IL1RAPL2: variants seen among roughly 807,000 people sequenced by gnomAD.
IL1RAPL2 encodes the protein interleukin 1 receptor accessory protein like 2.
A neutral mutation model predicts 44.1 loss-of-function variants in IL1RAPL2; 3 were observed. That is an observed-to-expected ratio of 0.07 (90% CI 0.03 to 0.18). The LOEUF is 0.18. Among genes scored for constraint, IL1RAPL2 ranks in the 10% least tolerant of loss-of-function variants. IL1RAPL2 has a pLI of 1.00. For synonymous variants in IL1RAPL2, 181 were observed against 178.8 expected (o/e 1.01, Z -0.10); for missense variants, 391 against 496.4 (o/e 0.79, Z 2.02).
chrX:104,936,429 G>A (rs1004268883), intron 2 of IL1RAPL2, among the ~76,000 whole-genome samples: 1 of 110,659 alleles, frequency 9.0e-6, no homozygotes, highest in African/African-American at 3.3e-5. Context: ...TATGGGTTAA[G>A]GTCAAAAATG....
At chrX:104,809,900 C>G (rs1302415886) in intron 2 of IL1RAPL2, among the ~76,000 whole-genome samples, 1 of 111,016 alleles carries the variant, frequency 9.0e-6, no homozygotes, top group Non-Finnish European at 1.9e-5. Flanking sequence ...TTGACCCAGC[C>G]ATCCCATTAC....
intron 5 of IL1RAPL2, among the ~76,000 whole-genome samples, chrX:105,320,288 A>G (rs1458052056): frequency 8.9e-6 from 1 of 111,825 alleles, no homozygotes; most frequent in Non-Finnish European, 1.9e-5. Context: ...CAAAGTAACT[A>G]CATTTCTTAA....
intron 2 of IL1RAPL2, among the ~76,000 whole-genome samples, chrX:104,799,827 G>T (rs1466171485): frequency 1.8e-5 from 2 of 111,089 alleles, no homozygotes; most frequent in Non-Finnish European, 3.8e-5. Flanking sequence ...TCAGGGCAAG[G>T]ATGTTAAAAA....
chrX:105,044,933 T>G (rs748076239), intron 2 of IL1RAPL2, among the ~76,000 whole-genome samples: 1 of 111,457 alleles, frequency 9.0e-6, no homozygotes, highest in Non-Finnish European at 1.9e-5. Context: ...CATACTCAGT[T>G]TCCAGAAACA....
intron 5 of IL1RAPL2, among the ~76,000 whole-genome samples, chrX:105,466,385 T>A (rs186199194): frequency 9.0e-6 from 1 of 111,698 alleles, no homozygotes; most frequent in Admixed American, 9.5e-5. Flanking sequence ...CTTCTGTAGC[T>A]AATAATTCTT....
At chrX:105,102,794 G>T (rs1360927738) in intron 2 of IL1RAPL2, among the ~76,000 whole-genome samples, 1 of 111,902 alleles carries the variant, frequency 8.9e-6, no homozygotes, top group East Asian at 2.8e-4. Flanking sequence ...AGCTGACAGT[G>T]ATATGAACCT....
At chrX:105,522,634 T>C (rs931600333) in intron 6 of IL1RAPL2, among the ~76,000 whole-genome samples, 1 of 112,351 alleles carries the variant, frequency 8.9e-6, no homozygotes, top group Non-Finnish European at 1.9e-5. Context: ...TGGGGAGCTT[T>C]AAAAGGTATT....
intron 6 of IL1RAPL2, among the ~76,000 whole-genome samples, chrX:105,540,931 T>C (rs190509105): frequency 0.035 from 1,290 of 36,441 alleles, 33 homozygotes; most frequent in East Asian, 0.17. Flanking sequence ...ATATATAATA[T>C]ATACATATAT....
At chrX:105,057,261 A>G (rs1170354386) in intron 2 of IL1RAPL2, among the ~76,000 whole-genome samples, 3 of 112,130 alleles carry the variant, frequency 2.7e-5, no homozygotes, top group African/African-American at 9.7e-5. Flanking sequence ...AAGTTAGTTA[A>G]TTAATTGGAG....
intron 5 of IL1RAPL2, among the ~76,000 whole-genome samples, chrX:105,390,765 C>T (rs1272943514): frequency 2.7e-5 from 3 of 110,800 alleles, no homozygotes; most frequent in Admixed American, 9.7e-5. Flanking sequence ...AATATCCTCA[C>T]AGAGTTCAAG....
At chrX:105,766,939 CTT>C (rs2038735873) in intron 10 of IL1RAPL2, 23 bp from the exon 11 acceptor site, 1 of 1,109,064 alleles carries the variant, frequency 9.0e-7, no homozygotes, top group African/African-American at 1.8e-5. Context: ...TTGTTTTACT[CTT>C]TCTCTCTTTC....
chrX:104,975,106 A>G (rs769530803), intron 2 of IL1RAPL2, among the ~76,000 whole-genome samples: 1 of 111,344 alleles, frequency 9.0e-6, no homozygotes, highest in Non-Finnish European at 1.9e-5. Context: ...TTTAAAGGCC[A>G]TGTTTAAGAG....
At chrX:105,561,315 T>A (rs1764830547) in intron 6 of IL1RAPL2, among the ~76,000 whole-genome samples, 1 of 111,797 alleles carries the variant, frequency 8.9e-6, no homozygotes, top group African/African-American at 3.3e-5. Flanking sequence ...CCCTTCACCT[T>A]GGGAGCTAGG....
chrX:105,348,147 G>A (rs981665114), intron 5 of IL1RAPL2, among the ~76,000 whole-genome samples: 1 of 111,420 alleles, frequency 9.0e-6, no homozygotes, highest in Non-Finnish European at 1.9e-5. Flanking sequence ...TTTGATAGCC[G>A]GTTCTGGGCC....
intron 2 of IL1RAPL2, among the ~76,000 whole-genome samples, chrX:104,761,839 TCTCCTTCTTCTCCTTCTCCTTCTC>T (rs1569309712): frequency 7.5e-5 from 5 of 67,098 alleles, no homozygotes; most frequent in African/African-American, 3.7e-4. Flanking sequence ...TTCTTCTCCT[TCTCCTTCTTCTCCTTCTCCTTCTC>T]CTTCTCCTTC....
At chrX:104,649,050 C>G (rs6616543) in intron 1 of IL1RAPL2, among the ~76,000 whole-genome samples, 2 of 111,282 alleles carry the variant, frequency 1.8e-5, no homozygotes, top group African/African-American at 6.5e-5. Flanking sequence ...GTCTCCACTT[C>G]TAATTTTTTC....
intron 9 of IL1RAPL2, among the ~76,000 whole-genome samples, chrX:105,751,253 C>A (rs763632862): frequency 9.1e-6 from 1 of 109,590 alleles, no homozygotes; most frequent in Non-Finnish European, 1.9e-5. Flanking sequence ...CTGGCCTGGG[C>A]GACAGAGTGA....
chrX:105,390,248 G>A (rs930397696), intron 5 of IL1RAPL2, among the ~76,000 whole-genome samples: 2 of 111,076 alleles, frequency 1.8e-5, no homozygotes, highest in Non-Finnish European at 3.8e-5. Context: ...TGGACTTTGT[G>A]ATCCAGCCCC....
chrX:105,574,722 C>T (rs981034214), intron 6 of IL1RAPL2, among the ~76,000 whole-genome samples: 2 of 111,621 alleles, frequency 1.8e-5, no homozygotes, highest in African/African-American at 6.5e-5. Flanking sequence ...CTTGAATACA[C>T]AATCAGCTCT....
Sources: allele counts gnomAD v4.1 joint callset (sites outside exome capture counted in the v4.1 genomes callset), GRCh38; gene constraint gnomAD v4.1.1; transcripts MANE v1.5; gene names NCBI Gene and HGNC (gene_info 2026-07-23, HGNC 2026-07-21).